RTRAF: variants seen among roughly 807,000 people sequenced by gnomAD.
The protein encoded by RTRAF is RNA transcription, translation and transport factor, also known as tRNA-splicing ligase complex subunit RTRAF.
In RTRAF, 14 loss-of-function variants were observed where a neutral mutation model predicts 34.4. The observed-to-expected ratio is 0.41, with a 90% confidence interval of 0.27 to 0.64. RTRAF has a LOEUF of 0.64. Ranked by LOEUF, RTRAF falls within the 30% of genes least tolerant of loss-of-function variation. The pLI is 0.34. For synonymous variants in RTRAF, 96 were observed against 95.3 expected, an observed-to-expected ratio of 1.01 and a Z score of -0.04; for missense variants, 291 against 288.4, an observed-to-expected ratio of 1.01 and a Z score of -0.06.
chr14:51,991,179 A>G (rs1417327542), intron 1 of RTRAF, 138 bp from the exon 2 acceptor site: 8 of 839,064 alleles, frequency 9.5e-6, no homozygotes, highest in Non-Finnish European at 1.5e-5. Flanking sequence ...CTGTACTTTC[A>G]ACTCCCTCTT....
chr14:51,991,767 A>G (rs915847877), intron 2 of RTRAF, among the ~76,000 whole-genome samples: 1 of 152,216 alleles, frequency 6.6e-6, no homozygotes. Flanking sequence ...ACTATTTCTT[A>G]TATTAAAAGA....
At chr14:51,995,911 T>TCTAC (rs557981188) in intron 3 of RTRAF, among the ~76,000 whole-genome samples, 76 of 152,330 alleles carry the variant, frequency 5.0e-4, no homozygotes, top group African/African-American at 1.8e-3. Flanking sequence ...GGTCTTTTTA[T>TCTAC]CTACCCTGCT....
rs1890570033 is a variant in RTRAF, at chr14:51,999,529, AT to A, written c.374-176del. On this transcript the variant is annotated intron_variant, in intron 4 of 7. Coordinates refer to ENST00000261700, the MANE Select transcript of RTRAF (RefSeq NM_016039.3). The stretch of plus-strand genomic sequence containing the variant: ...ATAGGAAAACCATTTTATCTTACCA[AT>A]TTATTTAATTGTTGATAGTCTACAG... 5 of 499,462 alleles carry A rather than the reference AT, an allele frequency of 1.0e-5. No individual in the cohort carries two copies. The Admixed American group carries it at 1.7e-4, about 17-fold the overall frequency. The allele number at this position is 499,462 out of a possible 1,614,324, so 30.9% of individuals were successfully genotyped here.
At position 52,009,308 on chromosome 14, in the gene RTRAF, CAAT is replaced by C. The variant is rs1230570130; in HGVS notation, c.*4795_*4797del. 1 of 152,166 alleles carries C rather than the reference CAAT, an allele frequency of 6.6e-6. No homozygotes were observed. Among genetic ancestry groups the C allele is most frequent in the African/African-American group, 2.4e-5 (1 of 41,434 alleles). 9.4% of individuals were successfully genotyped at this position (152,166 alleles called of 1,614,324 possible). On this transcript the variant is annotated 3_prime_UTR_variant, in exon 8 of 8. Transcript: ENST00000261700. ...CAAAATGATTTAATATCATCAACAA[CAAT>C]AAGTCTGAAACAAGCTCACACAGAT...
chr14:52,004,001 A>C, intron 6 of RTRAF, 193 bp from the exon 7 acceptor site: 44 of 563,368 alleles, frequency 7.8e-5, no homozygotes, highest in Non-Finnish European at 7.1e-5. Context: ...TTTTCCCCCT[A>C]ACCGGTTGAA....
At chr14:51,999,980 G>C in intron 5 of RTRAF, 184 bp downstream of exon 5, 1 of 476,754 alleles carries the variant, frequency 2.1e-6, no homozygotes. Flanking sequence ...CCTGCACTAT[G>C]CTAAATCCTT....
At chr14:51,989,924 ACTTG>A (rs1036293764) in intron 1 of RTRAF, among the ~76,000 whole-genome samples, 1 of 152,182 alleles carries the variant, frequency 6.6e-6, no homozygotes, top group Non-Finnish European at 1.5e-5. Flanking sequence ...TACTTTCTGC[ACTTG>A]CTTAACTCCA....
chr14:52,000,304 A>G (rs1890580641), intron 5 of RTRAF, among the ~76,000 whole-genome samples: 1 of 152,114 alleles, frequency 6.6e-6, no homozygotes, highest in African/African-American at 2.4e-5. Context: ...TGAGAAATGA[A>G]TCTTTCTGTC....
chr14:51,993,899 G>A, intron 3 of RTRAF, 77 bp downstream of exon 3: 1 of 898,894 alleles, frequency 1.1e-6, no homozygotes, highest in South Asian at 1.7e-5. Flanking sequence ...AGGGAACTTT[G>A]CAGTTTGTTT....
intron 3 of RTRAF, among the ~76,000 whole-genome samples, chr14:51,997,631 T>A (rs1257964074): frequency 6.6e-6 from 1 of 151,932 alleles, no homozygotes; most frequent in Non-Finnish European, 1.5e-5. Context: ...GTTTTTCAAA[T>A]GAAAATAATA....
chr14:51,993,681 G>T (rs758925262), intron 2 of RTRAF, 42 bp from the exon 3 acceptor site: 1 of 1,188,728 alleles, frequency 8.4e-7, no homozygotes, highest in South Asian at 1.3e-5. Flanking sequence ...TGACTTTATG[G>T]TAATAATGAA....
In RTRAF at chr14:52,006,321, C is replaced by G. The variant is rs1413056723; in HGVS notation, c.*1805C>G. On this transcript the variant is annotated 3_prime_UTR_variant, in exon 8 of 8. Coordinates refer to ENST00000261700, the MANE Select transcript of RTRAF (RefSeq NM_016039.3). ...CTTTTTAAGCTATATGTGAGCAATA[C>G]CATTCGATTTCTGGGTGAAGTAAAA... The G allele has an allele frequency of 3.8e-6, 2 of 524,220 alleles. No individual in the cohort carries two copies. The highest frequency in any genetic ancestry group is 3.4e-5 in the Admixed American group (1 of 29,780). The allele number at this position is 524,220 out of a possible 1,614,324, so 32.5% of individuals were successfully genotyped here. A position where few individuals can be genotyped will look rare whatever the true frequency, so the allele number is the denominator to read the frequency against.
Position 52,005,455 on chromosome 14 carries a change from A to T in RTRAF, c.*939A>T, listed in dbSNP as rs191259770. On this transcript the variant is annotated 3_prime_UTR_variant, in exon 8 of 8. Coordinates refer to ENST00000261700, the MANE Select transcript of RTRAF (RefSeq NM_016039.3). ...TCTTTAGGGTCCAGGTTCTGATTGT[A>T]AACTCCAAGTCTTCCTTTACATTAC... 1.3e-6 allele frequency: 2 copies of T among 1,567,620 alleles called. No individual in the cohort carries two copies. Among genetic ancestry groups the T allele is most frequent in the Admixed American group, 3.9e-5 (2 of 51,052 alleles).
At chr14:51,998,813 T>TA (rs1890562035) in intron 4 of RTRAF, among the ~76,000 whole-genome samples, 1 of 151,950 alleles carries the variant, frequency 6.6e-6, no homozygotes, top group Non-Finnish European at 1.5e-5. Flanking sequence ...TAATTTGGAG[T>TA]TTTGATTTGT....
At chr14:52,003,143 A>G (rs1566734408) in intron 6 of RTRAF, among the ~76,000 whole-genome samples, 7 of 152,170 alleles carry the variant, frequency 4.6e-5, no homozygotes, top group East Asian at 1.9e-4. Flanking sequence ...TGTCATCTCA[A>G]AAGATACCAG....
Position 51,991,407 on chromosome 14 carries a change from T to G in RTRAF, c.152T>G (p.Ile51Ser), listed in dbSNP as rs1394251282. Residue 51 changes from isoleucine to serine, a missense_variant, in exon 2 of 8, where the codon ATC becomes AGC. Transcript: ENST00000261700. ...KIEDRGNLRNIHSSDWPKFFE... is the reference protein window; with the variant it reads ...KIEDRGNLRNSHSSDWPKFFE... ...GAAGACAGAGGGAATTTAAGAAACA[T>G]CCACAGCAGCGACTGGCCCAAGTTC... The G allele has an allele frequency of 6.2e-7, 1 of 1,613,508 alleles. No homozygotes were observed. Among genetic ancestry groups the G allele is most frequent in the South Asian group, 1.1e-5 (1 of 91,038 alleles).
chr14:52,002,300 A>G (rs1890613240), intron 6 of RTRAF, among the ~76,000 whole-genome samples: 1 of 152,186 alleles, frequency 6.6e-6, no homozygotes, highest in Non-Finnish European at 1.5e-5. Flanking sequence ...TGTTTTATTC[A>G]ATTTCCTGGC....
intron 6 of RTRAF, among the ~76,000 whole-genome samples, chr14:52,003,699 A>G (rs2140332094): frequency 6.6e-6 from 1 of 152,108 alleles, no homozygotes; most frequent in East Asian, 1.9e-4. Context: ...TCAAGTCTTG[A>G]AAGTTAAATT....
In RTRAF at chr14:51,999,698, T is replaced by C; in HGVS notation, c.374-10T>C. 6.3e-7 allele frequency: 1 copy of C among 1,584,300 alleles called. No individual in the cohort carries two copies. Among genetic ancestry groups the C allele is most frequent in the Non-Finnish European group, 8.6e-7 (1 of 1,157,420 alleles). ...GTTGTAAGTTTTTGTTTGTTTTTAATCTTTTATAGTAAATAATCCTGATTT... is the reference window on the plus strand; with the variant it reads ...GTTGTAAGTTTTTGTTTGTTTTTAACCTTTTATAGTAAATAATCCTGATTT... On this transcript the variant is annotated splice_polypyrimidine_tract_variant and intron_variant, in intron 4 of 7. Coordinates refer to ENST00000261700, the MANE Select transcript of RTRAF (RefSeq NM_016039.3).
Sources: allele counts gnomAD v4.1 joint callset (sites outside exome capture counted in the v4.1 genomes callset), GRCh38; gene constraint gnomAD v4.1.1; transcripts MANE v1.5; gene names NCBI Gene and HGNC (gene_info 2026-07-23, HGNC 2026-07-21).